Variants in PAX1 observed in about 807,000 individuals in gnomAD.
PAX1 encodes the protein paired box protein Pax-1.
PAX1 carries 18 observed loss-of-function variants against 35.6 expected under a neutral mutation model. That is an observed-to-expected ratio of 0.50 (90% CI 0.35 to 0.75). The LOEUF (loss-of-function observed/expected upper bound fraction) is 0.75, where lower values mean the gene tolerates loss of function less well. PAX1 is among the 30% of genes least tolerant of loss of function. The pLI is 0.01. For synonymous variants in PAX1, 397 were observed against 305.2 expected (o/e 1.30, Z -3.14); for missense variants, 760 against 661.5 (o/e 1.15, Z -1.63).
chr20:21,709,204 C>T lies in PAX1; in HGVS notation c.1060-18C>T, dbSNP rs1241445159. 8.2e-6 allele frequency: 13 copies of T among 1,582,064 alleles called. No homozygotes were observed. The highest frequency in any genetic ancestry group is 1.3e-5 in the African/African-American group (1 of 74,614). On this transcript the variant is annotated intron_variant, in intron 3 of 4. Transcript: ENST00000613128. The stretch of plus-strand genomic sequence containing the variant: ...GGCAGGATTTTCTGCTGCTGACGGT[C>T]CCTCTCTATCCCCACAGTCGGCCTC...
rs755512257 is a variant in PAX1 at position 21,706,222 on chromosome 20, C to A, written c.287-216C>A. On this transcript the variant is annotated intron_variant, in intron 1 of 4. Coordinates refer to ENST00000613128, the MANE Select transcript of PAX1 (RefSeq NM_001257096.2). The surrounding 1 kb of genome is among the most constrained non-coding windows in gnomAD (Gnocchi z 5.3). The stretch of plus-strand genomic sequence containing the variant: ...AGTCGCGAAAGGGCACGGAGGGCTA[C>A]AATGCGCCGCGCTCCACTCCGCGGC... The A allele has an allele frequency of 1.3e-6, 1 of 780,756 alleles. No homozygotes were observed. Among genetic ancestry groups the A allele is most frequent in the South Asian group, 1.4e-5 (1 of 69,346 alleles). 48.4% of individuals were successfully genotyped at this position (780,756 alleles called of 1,614,324 possible). A position where few individuals can be genotyped will look rare whatever the true frequency, so the allele number is the denominator to read the frequency against.
At position 21,706,399 on chromosome 20, in the gene PAX1, T is replaced by G. The variant is rs763345883; in HGVS notation, c.287-39T>G. 3.7e-6 allele frequency: 6 copies of G among 1,608,358 alleles called. No individual in the cohort carries two copies. The highest frequency in any genetic ancestry group is 5.1e-6 in the Non-Finnish European group (6 of 1,179,850). On this transcript the variant is annotated intron_variant, in intron 1 of 4. Transcript: ENST00000613128. This position sits in a 1 kb window ranked among gnomAD's most constrained non-coding sequence, Gnocchi z 5.3. The stretch of plus-strand genomic sequence containing the variant: ...CCCTTGGCTAACCCGCCGGGTGTTT[T>G]CTCCCCCTCCGGCTCACTCTTGTCT...
chr20:21,710,875 A>G (rs1985178970), intron 4 of PAX1, among the ~76,000 whole-genome samples: 1 of 152,264 alleles, frequency 6.6e-6, no homozygotes, highest in South Asian at 2.1e-4. Context: ...ATTGGGATTT[A>G]GAGCTCTTTT....
chr20:21,708,797 A>G, intron 3 of PAX1, 97 bp downstream of exon 3: 1 of 1,286,732 alleles, frequency 7.8e-7, no homozygotes, highest in Non-Finnish European at 1.1e-6. Context: ...AAAAATTTCC[A>G]GGCAGAGAGA....
Position 21,705,969 on chromosome 20 carries a change from C to A in PAX1, c.257C>A (p.Ala86Asp). 1.3e-6 allele frequency: 2 copies of A among 1,488,630 alleles called. No individual in the cohort carries two copies. Among genetic ancestry groups the A allele is most frequent in the Admixed American group, 2.3e-5 (1 of 43,088 alleles). 92.2% of individuals were successfully genotyped at this position (1,488,630 alleles called of 1,614,324 possible). ...PSPGHPGHPG[A>D]RQLAGPLAME... ...CCCGGCCACCCCGGCCACCCCGGCGCCAGGCAGCTGGCCGGCCCGCTCGCT... is the reference window on the plus strand; with the variant it reads ...CCCGGCCACCCCGGCCACCCCGGCGACAGGCAGCTGGCCGGCCCGCTCGCT... The change falls in exon 1 of 5, where the codon GCC (alanine) becomes GAC (aspartate). Residue 86 changes from alanine to aspartate, a missense_variant. Physicochemically the swap from Ala to Asp is moderately radical, Grantham distance 126. Around this residue, in one of 3 missense-constraint regions of PAX1, gnomAD observed 222 missense variants for 153.0 expected, o/e 1.45. Transcript: ENST00000613128.
chr20:21,707,753 C>G (rs1248916418), intron 2 of PAX1, among the ~76,000 whole-genome samples: 1 of 152,170 alleles, frequency 6.6e-6, no homozygotes, highest in Non-Finnish European at 1.5e-5. Flanking sequence ...TGCGCTCTCC[C>G]CAGCTGCCAG....
rs370042425 is a variant in PAX1 at position 21,707,387 on chromosome 20, A to G, written c.916+320A>G. Among the ~76,000 whole-genome samples the G allele has an allele frequency of 2.6e-5, 4 of 152,276 alleles. No individual in the cohort carries two copies. The East Asian group carries it at 5.8e-4, about 22-fold the overall frequency. On this transcript the variant is annotated intron_variant, in intron 2 of 4. Coordinates refer to ENST00000613128, the MANE Select transcript of PAX1 (RefSeq NM_001257096.2). ...TGTTGCCAAATCTAAGGGGGAAAAAAACCCGCTCAATTTTGAGACCCTTTC... is the reference window on the plus strand; with the variant it reads ...TGTTGCCAAATCTAAGGGGGAAAAAGACCCGCTCAATTTTGAGACCCTTTC...
chr20:21,713,958 A>G (rs1985279772), intron 4 of PAX1, among the ~76,000 whole-genome samples: 1 of 152,184 alleles, frequency 6.6e-6, no homozygotes, highest in South Asian at 2.1e-4. Context: ...CATTTCCCGC[A>G]AGATTTCCCC....
In PAX1 at chr20:21,707,033, C is replaced by T. The variant is rs1309594240; in HGVS notation, c.882C>T (p.Asn294=). 6.2e-7 allele frequency: 1 copy of T among 1,613,092 alleles called. No individual in the cohort carries two copies. The highest frequency in any genetic ancestry group is 8.5e-7 in the Non-Finnish European group (1 of 1,180,032). The part of the protein sequence containing the change: ...RSWPSAHSVS[N]ILGIRTFMEQ... ...GGCCCTCGGCACACTCGGTCAGCAA[C>T]ATCCTGGGCATCCGGACGTTTATGG... Residue 294 remains asparagine, a synonymous_variant, in exon 2 of 5, where the codon AAC becomes AAT. Coordinates refer to ENST00000613128, the MANE Select transcript of PAX1 (RefSeq NM_001257096.2).
intron 3 of PAX1, among the ~76,000 whole-genome samples, 164 bp from the exon 4 acceptor site, chr20:21,709,056 CAA>C (rs1337580270): frequency 6.6e-6 from 1 of 152,166 alleles, no homozygotes; most frequent in East Asian, 1.9e-4. Context: ...ATCACTTTGC[CAA>C]AGAGTCCTGA....
At position 21,706,304 on chromosome 20, in the gene PAX1, G is replaced by A. The variant is rs767242102; in HGVS notation, c.287-134G>A. ...CCCAGGCGGTTTGCCCTTGGACTCC[G>A]AGCTGTCTGGGGACCCACAGGTCAC... On this transcript the variant is annotated intron_variant, in intron 1 of 4. Coordinates refer to ENST00000613128, the MANE Select transcript of PAX1 (RefSeq NM_001257096.2). This position sits in a 1 kb window ranked among gnomAD's most constrained non-coding sequence, Gnocchi z 5.3. 17 of 1,237,860 alleles carry A rather than the reference G, an allele frequency of 1.4e-5. No individual in the cohort carries two copies. The highest frequency in any genetic ancestry group is 8.8e-5 in the Admixed American group (5 of 57,044). 76.7% of individuals were successfully genotyped at this position (1,237,860 alleles called of 1,614,324 possible). A position where few individuals can be genotyped will look rare whatever the true frequency, so the allele number is the denominator to read the frequency against.
intron 3 of PAX1, 22 bp from the exon 4 acceptor site, chr20:21,709,200 C>G (rs369063536): frequency 6.4e-7 from 1 of 1,570,966 alleles, no homozygotes; most frequent in South Asian, 1.1e-5. Flanking sequence ...CTGCTGCTGA[C>G]GGTCCCTCTC....
rs778840655 is a variant in PAX1 at position 21,705,896 on chromosome 20, C to CGCGGCG, written c.194_199dup (p.Gly65_Gly66dup). 5.7e-6 allele frequency: 8 copies of CGCGGCG among 1,398,574 alleles called. No individual in the cohort carries two copies. Among genetic ancestry groups the CGCGGCG allele is most frequent in the Non-Finnish European group, 7.4e-6 (8 of 1,077,920 alleles). The allele number at this position is 1,398,574 out of a possible 1,614,324, so 86.6% of individuals were successfully genotyped here. A position where few individuals can be genotyped will look rare whatever the true frequency, so the allele number is the denominator to read the frequency against. ...GGGCGCCCTCCCTCTATGCCTCTCA[C>CGCGGCG]GCGGCGGCGGCGGCGCCCAAGCTCT... On this transcript the variant is annotated inframe_insertion, in exon 1 of 5. Coordinates refer to ENST00000613128, the MANE Select transcript of PAX1 (RefSeq NM_001257096.2).
chr20:21,713,444 A>C (rs1156838142), intron 4 of PAX1, among the ~76,000 whole-genome samples: 1 of 151,140 alleles, frequency 6.6e-6, no homozygotes, highest in Non-Finnish European at 1.5e-5. Context: ...AGCTCTGCGC[A>C]GCCACAGCAA....
At chr20:21,708,513 G>T in intron 2 of PAX1, 45 bp from the exon 3 acceptor site, 1 of 1,611,126 alleles carries the variant, frequency 6.2e-7, no homozygotes, top group Non-Finnish European at 8.5e-7. Context: ...GTGTGCCCAG[G>T]GCAGATTCGG....
At position 21,709,312 on chromosome 20, in the gene PAX1, G is replaced by A. The variant is rs1291243694; in HGVS notation, c.1150G>A (p.Gly384Ser). The A allele has an allele frequency of 6.2e-7, 1 of 1,601,604 alleles. No individual in the cohort carries two copies. Among genetic ancestry groups the A allele is most frequent in the South Asian group, 1.1e-5 (1 of 90,968 alleles). ...GCACGGCGTGTACAGCGCCCCGGGC[G>A]GCGGCTACCTCGCCCCGGGCCCGCC... is the stretch of plus-strand genomic sequence containing the variant. ...NQHGVYSAPG[G>S]GYLAPGPPWP... The change falls in exon 4 of 5, where the codon GGC (glycine) becomes AGC (serine). Residue 384 changes from glycine to serine, a missense_variant. Gly to Ser is a moderately conservative substitution (Grantham distance 56). This residue lies in a region of PAX1 where 490 missense variants were observed against 428.4 expected (regional missense o/e 1.14). Coordinates refer to ENST00000613128, the MANE Select transcript of PAX1 (RefSeq NM_001257096.2).
rs772420506 is a variant in PAX1 at position 21,705,880 on chromosome 20, C to T, written c.168C>T (p.Leu56=). 1 of 1,386,832 alleles carries T rather than the reference C, an allele frequency of 7.2e-7. No homozygotes were observed. The highest frequency in any genetic ancestry group is 1.6e-5 in the South Asian group (1 of 63,174). 85.9% of individuals were successfully genotyped at this position (1,386,832 alleles called of 1,614,324 possible). A position where few individuals can be genotyped will look rare whatever the true frequency, so the allele number is the denominator to read the frequency against. Reference sequence around the variant, plus strand: ...GCGGCTCTCGGCTCTCGGGCGCCCTCCCTCTATGCCTCTCACGCGGCGGCG... The same window carrying T: ...GCGGCTCTCGGCTCTCGGGCGCCCTTCCTCTATGCCTCTCACGCGGCGGCG... ...GRRGSRLSGA[L]PLCLSRGGGG... Residue 56 remains leucine, a synonymous_variant, in exon 1 of 5, where the codon CTC becomes CTT. Coordinates refer to ENST00000613128, the MANE Select transcript of PAX1 (RefSeq NM_001257096.2).
chr20:21,717,855 C>T lies in PAX1; in HGVS notation c.*3293C>T, dbSNP rs889682900. 6.6e-6 allele frequency: 1 copy of T among 152,168 alleles called. No homozygotes were observed. Among genetic ancestry groups the T allele is most frequent in the African/African-American group, 2.4e-5 (1 of 41,442 alleles). The allele number at this position is 152,168 out of a possible 1,614,324, so 9.4% of individuals were successfully genotyped here. A position where few individuals can be genotyped will look rare whatever the true frequency, so the allele number is the denominator to read the frequency against. Reference sequence around the variant, plus strand: ...TTAAAATGAAAAGTGGAAGTTCTTCCTGCTCTCATTTTTGTTCTTAAAGGT... The same window carrying T: ...TTAAAATGAAAAGTGGAAGTTCTTCTTGCTCTCATTTTTGTTCTTAAAGGT... On this transcript the variant is annotated 3_prime_UTR_variant, in exon 5 of 5. Transcript: ENST00000613128.
chr20:21,705,933 C>T lies in PAX1; in HGVS notation c.221C>T (p.Ala74Val). ...GGGAQALPDC[A>V]GPSPGHPGHP... The stretch of plus-strand genomic sequence containing the variant: ...GGCGCCCAAGCTCTCCCGGACTGCG[C>T]CGGGCCCAGCCCCGGCCACCCCGGC... Residue 74 changes from alanine (A) to valine (V), a missense_variant, in exon 1 of 5, where the codon GCC becomes GTC. Ala to Val is a moderately conservative substitution (Grantham distance 64). Coordinates refer to ENST00000613128, the MANE Select transcript of PAX1 (RefSeq NM_001257096.2). The T allele has an allele frequency of 4.7e-6, 7 of 1,475,930 alleles. No individual in the cohort carries two copies. The highest frequency in any genetic ancestry group is 3.9e-5 in the South Asian group (3 of 77,210). The allele number at this position is 1,475,930 out of a possible 1,614,324, so 91.4% of individuals were successfully genotyped here.
Sources: gnomAD v4.1 joint callset for allele counts (sites outside exome capture counted in the v4.1 genomes callset) on GRCh38, gnomAD v4.1.1 for gene constraint, gnomAD v4.1.1 regional missense constraint, Gnocchi (gnomAD v3.1) non-coding constraint, MANE v1.5 for transcripts, NCBI Gene and HGNC (gene_info 2026-07-23, HGNC 2026-07-21) for gene names.